The following SETD3 variants were observed in gnomAD, a reference collection of about 807,000 sequenced individuals.
The protein encoded by SETD3 is SET domain containing 3, actin N3(tau)-histidine methyltransferase.
SETD3 carries 19 observed loss-of-function variants against 63.0 expected under a neutral mutation model. That is an observed-to-expected ratio of 0.30 (90% CI 0.21 to 0.44). The LOEUF (loss-of-function observed/expected upper bound fraction) is 0.44. SETD3 is among the 20% of genes least tolerant of loss of function. The probability of loss-of-function intolerance (pLI) is 1.00; values close to 1 mark genes in which losing one functional copy is unlikely to be tolerated. For synonymous variants in SETD3, 286 were observed against 264.1 expected (o/e 1.08, Z -0.80); for missense variants, 587 against 728.5 (o/e 0.81, Z 2.24).
intron 3 of SETD3, among the ~76,000 whole-genome samples, chr14:99,461,888 T>C (rs1470631819): frequency 2.0e-5 from 3 of 152,226 alleles, no homozygotes; most frequent in Admixed American, 1.3e-4. Flanking sequence ...TCAACATAAG[T>C]ATAACACTAA....
intron 1 of SETD3, among the ~76,000 whole-genome samples, chr14:99,472,606 A>C (rs907878469): frequency 6.6e-6 from 1 of 152,234 alleles, no homozygotes; most frequent in Non-Finnish European, 1.5e-5. Context: ...ACAAAGACCA[A>C]ATGTTTATTT....
At chr14:99,401,495 G>C (rs1891386467) in intron 11 of SETD3, among the ~76,000 whole-genome samples, 1 of 152,158 alleles carries the variant, frequency 6.6e-6, no homozygotes, top group African/African-American at 2.4e-5. Context: ...ATTAGTTAGA[G>C]TAATTCAAAG....
chr14:99,482,572 C>T (rs1414994665), upstream of SETD3, among the ~76,000 whole-genome samples: 5 of 152,108 alleles, frequency 3.3e-5, no homozygotes, highest in Admixed American at 1.3e-4. Flanking sequence ...GAGTGACCAC[C>T]GCTGGTGTCT....
At chr14:99,432,116 T>C (rs1893215549) in intron 6 of SETD3, among the ~76,000 whole-genome samples, 1 of 152,120 alleles carries the variant, frequency 6.6e-6, no homozygotes. Flanking sequence ...TATATTTAAG[T>C]GGTCAGTTTT....
intron 8 of SETD3, chr14:99,411,634 AAAG>A (rs1331362578): frequency 2.0e-5 from 3 of 152,370 alleles, no homozygotes; most frequent in South Asian, 4.1e-4. Context: ...TCATTCAAAA[AAAG>A]AAGAAGAAAA....
At position 99,426,051 on chromosome 14, in the gene SETD3, C is replaced by T. The variant is rs190746283; in HGVS notation, c.676-12117G>A. 2.5e-3 allele frequency among the ~76,000 whole-genome samples: 373 copies of T among 152,238 alleles called. 1 individual carries two copies. Among genetic ancestry groups the T allele is most frequent in the African/African-American group, 8.7e-3 (360 of 41,502 alleles). On this transcript the variant is annotated intron_variant, in intron 6 of 12. Coordinates refer to ENST00000331768, the MANE Select transcript of SETD3 (RefSeq NM_032233.3). ...TGGTGTGGAAAACAGTTCAAACCCT[C>T]CTCCCCCAAACATACACATTTTCAC...
chr14:99,440,822 T>C (rs1379959136), intron 6 of SETD3, among the ~76,000 whole-genome samples: 6 of 149,840 alleles, frequency 4.0e-5, no homozygotes, highest in Admixed American at 3.3e-4. Flanking sequence ...CAGAAAGCAC[T>C]TAAAAAAAAA....
intron 6 of SETD3, among the ~76,000 whole-genome samples, chr14:99,452,202 G>C (rs1351265482): frequency 6.6e-6 from 1 of 152,116 alleles, no homozygotes; most frequent in Non-Finnish European, 1.5e-5. Context: ...TGCCTCCCGG[G>C]TTCAAGCAAT....
intron 6 of SETD3, among the ~76,000 whole-genome samples, chr14:99,452,258 C>T (rs890594536): frequency 2.0e-5 from 3 of 152,330 alleles, no homozygotes; most frequent in African/African-American, 4.8e-5. Flanking sequence ...AGTCACGCTC[C>T]ACCACACCTG....
At chr14:99,463,376 T>C (rs1895183142) in intron 3 of SETD3, 110 bp downstream of exon 3, 2 of 803,744 alleles carry the variant, frequency 2.5e-6, no homozygotes, top group South Asian at 3.3e-5. Flanking sequence ...TACAAGACCT[T>C]TCAGAGTGAC....
intron 6 of SETD3, among the ~76,000 whole-genome samples, chr14:99,445,105 T>C (rs1479338677): frequency 2.6e-5 from 4 of 152,218 alleles, no homozygotes; most frequent in African/African-American, 9.6e-5. Flanking sequence ...GAAAGTTATC[T>C]AATCCTCCTT....
chr14:99,419,786 C>CAA (rs1387120602), intron 6 of SETD3, among the ~76,000 whole-genome samples: 2 of 130,508 alleles, frequency 1.5e-5, no homozygotes, highest in Non-Finnish European at 1.6e-5. Flanking sequence ...AAAAAAAAAA[C>CAA]AAAAAAAAAA....
Position 99,398,781 on chromosome 14 carries a change from A to T in SETD3, c.1683T>A (p.Asn561Lys), listed in dbSNP as rs768384364. The T allele has an allele frequency of 2.5e-6, 4 of 1,614,180 alleles. No homozygotes were observed. Among genetic ancestry groups the T allele is most frequent in the African/African-American group, 2.7e-5 (2 of 75,050 alleles). ...GACTTTCATTTTCGGACCTGGTCCC[A>T]TTAGGGATAGAGTTTTCACCGTTTA... ...GLVNGENSIP[N>K]GTRSENESLN... is the part of the protein sequence containing the mutation. Residue 561 changes from asparagine (N) to lysine (K), a missense_variant, in exon 13 of 13, where the codon AAT becomes AAA. Coordinates refer to ENST00000331768, the MANE Select transcript of SETD3 (RefSeq NM_032233.3).
At chr14:99,448,886 T>C (rs919746864) in intron 6 of SETD3, among the ~76,000 whole-genome samples, 5 of 152,234 alleles carry the variant, frequency 3.3e-5, no homozygotes, top group African/African-American at 9.6e-5. Context: ...ACTTTATAAA[T>C]GATCTGCTGT....
rs1895198657 is a variant in SETD3 at position 99,463,587 on chromosome 14, T to C, written c.104-9A>G. On this transcript the variant is annotated splice_polypyrimidine_tract_variant and intron_variant, in intron 2 of 12. Transcript: ENST00000331768. Reference sequence around the variant, plus strand: ...CGCCGGACTGCTGCATTCTGTAACATAAGAGGCATGGTACTGAAACACTTC... The same window carrying C: ...CGCCGGACTGCTGCATTCTGTAACACAAGAGGCATGGTACTGAAACACTTC... The C allele has an allele frequency of 6.2e-7, 1 of 1,608,258 alleles. No homozygotes were observed. The highest frequency in any genetic ancestry group is 8.5e-7 in the Non-Finnish European group (1 of 1,175,122).
At chr14:99,405,468 T>G (rs1426610275) in intron 9 of SETD3, 97 bp from the exon 10 acceptor site, 3 of 1,296,768 alleles carry the variant, frequency 2.3e-6, no homozygotes, top group Non-Finnish European at 3.2e-6. Flanking sequence ...ACTTTACATT[T>G]AGACACTAAA....
chr14:99,480,429 G>T (rs1199260087), intron 1 of SETD3, among the ~76,000 whole-genome samples: 1 of 151,736 alleles, frequency 6.6e-6, no homozygotes, highest in Non-Finnish European at 1.5e-5. Flanking sequence ...CGGGAGCGTG[G>T]GCGCCAGAGG....
At chr14:99,442,688 T>A (rs1193217041) in intron 6 of SETD3, among the ~76,000 whole-genome samples, 2 of 152,272 alleles carry the variant, frequency 1.3e-5, no homozygotes, top group East Asian at 3.8e-4. Flanking sequence ...TAATACAGTA[T>A]GTAATACATT....
At chr14:99,461,907 C>A (rs1267202156) in intron 3 of SETD3, among the ~76,000 whole-genome samples, 2 of 152,180 alleles carry the variant, frequency 1.3e-5, no homozygotes, top group African/African-American at 4.8e-5. Flanking sequence ...AAATGTACCA[C>A]AGTGGCTTTT....
Sources: gnomAD v4.1 joint callset for allele counts (sites outside exome capture counted in the v4.1 genomes callset) on GRCh38, gnomAD v4.1.1 for gene constraint, MANE v1.5 for transcripts, NCBI Gene and HGNC (gene_info 2026-07-23, HGNC 2026-07-21) for gene names.